PASD1: variants seen among roughly 807,000 people sequenced by gnomAD.
PASD1 encodes the protein circadian clock protein PASD1.
A neutral mutation model predicts 58.8 loss-of-function variants in PASD1; 13 were observed. The ratio of observed to expected loss-of-function variants is 0.22; its 90% CI spans 0.14 to 0.35. The LOEUF is 0.35. Among genes scored for constraint, PASD1 ranks in the 10% least tolerant of loss-of-function variants. The pLI, the probability that PASD1 is intolerant of heterozygous loss-of-function variation, is 1.00. For synonymous variants in PASD1, 236 were observed against 216.7 expected (o/e 1.09, Z -0.78); for missense variants, 734 against 568.3 (o/e 1.29, Z -2.96).
intron 4 of PASD1, among the ~76,000 whole-genome samples, chrX:151,612,649 CTTG>C (rs1482171363): frequency 9.0e-6 from 1 of 111,165 alleles, no homozygotes; most frequent in African/African-American, 3.3e-5. Context: ...CCTTCGCCCA[CTTG>C]TTGATGGGGC....
chrX:151,641,388 A>G (rs1446091451), intron 8 of PASD1, among the ~76,000 whole-genome samples: 1 of 111,965 alleles, frequency 8.9e-6, no homozygotes, highest in Non-Finnish European at 1.9e-5. Flanking sequence ...CCTGCCAGAT[A>G]AAAGGGACCT....
intron 14 of PASD1, 114 bp downstream of exon 14, chrX:151,672,775 T>A (rs2014496429): frequency 1.8e-6 from 2 of 1,089,557 alleles, no homozygotes; most frequent in Non-Finnish European, 1.2e-6. Flanking sequence ...CCAGCGTCCC[T>A]CTCATCAATA....
intron 8 of PASD1, among the ~76,000 whole-genome samples, chrX:151,640,010 C>T (rs1185161768): frequency 9.0e-6 from 1 of 111,689 alleles, no homozygotes; most frequent in African/African-American, 3.3e-5. Flanking sequence ...TATGCTGGGA[C>T]TCGACTGGTC....
At chrX:151,592,988 C>G (rs183160969) in intron 1 of PASD1, among the ~76,000 whole-genome samples, 81 of 111,001 alleles carry the variant, frequency 7.3e-4, no homozygotes, top group African/African-American at 2.3e-3. Context: ...TTTCTTCTTT[C>G]ATTTATGTCC....
At chrX:151,581,172 G>A (rs1198821995) in intron 1 of PASD1, among the ~76,000 whole-genome samples, 1 of 89,847 alleles carries the variant, frequency 1.1e-5, no homozygotes, top group Non-Finnish European at 2.1e-5. Flanking sequence ...AGGTGGCAGC[G>A]AGCCAAGACT....
At chrX:151,645,947 G>C (rs2014056095) in intron 8 of PASD1, among the ~76,000 whole-genome samples, 2 of 62,261 alleles carry the variant, frequency 3.2e-5, no homozygotes, top group Non-Finnish European at 7.1e-5. Flanking sequence ...GTCTCGCTCT[G>C]TCATCTAGGC....
At chrX:151,590,748 T>C (rs1419866147) in intron 1 of PASD1, among the ~76,000 whole-genome samples, 1 of 109,786 alleles carries the variant, frequency 9.1e-6, no homozygotes, top group Non-Finnish European at 1.9e-5. Context: ...GCCCAGCTTA[T>C]TTCTTATATT....
Position 151,676,178 on chromosome X carries a change from G to T in PASD1, c.*35G>T, listed in dbSNP as rs376879879. On this transcript the variant is annotated 3_prime_UTR_variant, in exon 16 of 16. Coordinates refer to ENST00000370357, the MANE Select transcript of PASD1 (RefSeq NM_173493.3). ...CATGACCAGTGATGAGGGGAAATGG[G>T]GGGAGGGGGCAGGCCAATGAGGTCT... The T allele has an allele frequency of 2.4e-5, 29 of 1,188,262 alleles. No homozygotes were observed. Among genetic ancestry groups the T allele is most frequent in the Non-Finnish European group, 3.2e-5 (28 of 882,372 alleles).
In PASD1 at chrX:151,606,436, G is replaced by A. The variant is rs1048662701; in HGVS notation, c.117+1702G>A. ...GCTTGTATTTCAGAGCAGTGACTTA[G>A]CTTTGGATGTTTCCTTCCTGTTTGC... On this transcript the variant is annotated intron_variant, in intron 3 of 15. Transcript: ENST00000370357. Among the ~76,000 whole-genome samples, 6 of 111,676 alleles carry A rather than the reference G, an allele frequency of 5.4e-5. No homozygotes were observed. In the Admixed American group the frequency reaches 5.7e-4, roughly 11 times the overall value.
chrX:151,604,652 T>G lies in PASD1; in HGVS notation c.35T>G (p.Val12Gly). The G allele has an allele frequency of 8.3e-7, 1 of 1,201,604 alleles. No individual in the cohort carries two copies. Among genetic ancestry groups the G allele is most frequent in the Non-Finnish European group, 1.1e-6 (1 of 887,986 alleles). The change falls in exon 3 of 16, where the codon GTC becomes GGC. Residue 12 changes from valine (V) to glycine (G), a missense_variant. By Grantham distance (109) the Val-to-Gly change is moderately radical. Coordinates refer to ENST00000370357, the MANE Select transcript of PASD1 (RefSeq NM_173493.3). ...TCTTCCTTTTTCTAAAAAGACAAAG[T>G]CAATCCAAAAAGCTCTCAAAGGAAA... is the stretch of plus-strand genomic sequence containing the variant. ...KMRGEKRRDKVNPKSSQRKLN... is the reference protein window; with the variant it reads ...KMRGEKRRDKGNPKSSQRKLN...
chrX:151,671,768 G>A lies in PASD1; in HGVS notation c.1426G>A (p.Ala476Thr), dbSNP rs752154881. 8.3e-7 allele frequency: 1 copy of A among 1,205,342 alleles called. No individual in the cohort carries two copies. The highest frequency in any genetic ancestry group is 2.2e-5 in the Admixed American group (1 of 46,071). Reference sequence around the variant, plus strand: ...TGGGGAGCTTCAGGAGCCTTGTGTTGCCTTCAACCAGGTATGGAAAGGCTG... The same window carrying A: ...TGGGGAGCTTCAGGAGCCTTGTGTTACCTTCAACCAGGTATGGAAAGGCTG... The part of the protein sequence containing the change: ...NTGELQEPCV[A>T]FNQQQLVQQE... Residue 476 changes from alanine (A) to threonine (T), a missense_variant, in exon 13 of 16, where the codon GCC (alanine) becomes ACC (threonine). By Grantham distance (58) the Ala-to-Thr change is moderately conservative. Coordinates refer to ENST00000370357, the MANE Select transcript of PASD1 (RefSeq NM_173493.3).
At chrX:151,580,508 CTTT>C (rs200293926) in intron 1 of PASD1, among the ~76,000 whole-genome samples, 6 of 67,175 alleles carry the variant, frequency 8.9e-5, no homozygotes, top group Non-Finnish European at 1.5e-4. Context: ...TTCTTTTTTT[CTTT>C]TTTTTTTTTT....
rs199952741 is a variant in PASD1, at chrX:151,674,151, C to G, written c.2140C>G (p.Gln714Glu). The G allele has an allele frequency of 8.3e-7, 1 of 1,210,372 alleles. No homozygotes were observed. Among genetic ancestry groups the G allele is most frequent in the East Asian group, 3.0e-5 (1 of 33,745 alleles). ...AGTGAACACTTGGTCTTGCGATGAG[C>G]AGGGCACCCTGCACGGCCAACCCAC... ...VQVNTWSCDE[Q>E]GTLHGQPTYH... The change falls in exon 15 of 16, where the codon CAG becomes GAG. Residue 714 changes from glutamine to glutamate, a missense_variant. Coordinates refer to ENST00000370357, the MANE Select transcript of PASD1 (RefSeq NM_173493.3).
At chrX:151,608,838 T>G (rs2013517962) in intron 3 of PASD1, among the ~76,000 whole-genome samples, 1 of 111,633 alleles carries the variant, frequency 9.0e-6, no homozygotes, top group South Asian at 3.7e-4. Context: ...GCTTTCAAAT[T>G]TATTGGCATA....
chrX:151,667,020 A>G (rs1206559347), intron 11 of PASD1, among the ~76,000 whole-genome samples: 1 of 110,649 alleles, frequency 9.0e-6, no homozygotes, highest in South Asian at 3.8e-4. Flanking sequence ...AAGTGTTCCT[A>G]TTTCTCCACA....
At chrX:151,666,327 TC>T (rs1247172294) in intron 11 of PASD1, among the ~76,000 whole-genome samples, 34 of 110,588 alleles carry the variant, frequency 3.1e-4, no homozygotes, top group African/African-American at 1.1e-3. Flanking sequence ...GAATCTCATC[TC>T]TTTTCTGTCC....
chrX:151,584,825 T>C (rs1207715187), intron 1 of PASD1, among the ~76,000 whole-genome samples: 1 of 112,163 alleles, frequency 8.9e-6, no homozygotes, highest in East Asian at 2.8e-4. Context: ...CACATCTCTT[T>C]GATTTTGGTA....
chrX:151,671,842 C>G (rs1341569027), intron 13 of PASD1, 63 bp downstream of exon 13: 1 of 1,081,788 alleles, frequency 9.2e-7, no homozygotes, highest in Non-Finnish European at 1.3e-6. Flanking sequence ...AGGACTTTGA[C>G]TCACTTGGTT....
chrX:151,620,353 C>A (rs1035926629), intron 4 of PASD1, among the ~76,000 whole-genome samples: 3 of 110,532 alleles, frequency 2.7e-5, no homozygotes, highest in African/African-American at 9.9e-5. Flanking sequence ...CAGGTAGGAG[C>A]TTATTCATTG....
Sources: allele counts gnomAD v4.1 joint callset (sites outside exome capture counted in the v4.1 genomes callset), GRCh38; gene constraint gnomAD v4.1.1; transcripts MANE v1.5; gene names NCBI Gene and HGNC (gene_info 2026-07-23, HGNC 2026-07-21).